Variants in BCAS4 observed in about 807,000 individuals in gnomAD.
BCAS4 encodes the protein breast carcinoma-amplified sequence 4.
In BCAS4, 9 loss-of-function variants were observed where a neutral mutation model predicts 15.7. That is an observed-to-expected ratio of 0.57 (90% CI 0.34 to 1.00). BCAS4 has a LOEUF of 1.00. BCAS4 is among the 50% of genes least tolerant of loss of function. The pLI is 0.02. For missense variants in BCAS4, 225 were observed against 239.1 expected (o/e 0.94, Z 0.39); for synonymous variants, 101 against 99.5 (o/e 1.02, Z -0.09).
rs2145692 is a variant in BCAS4 at position 50,841,889 on chromosome 20, T to A, written c.388T>A (p.Ser130Thr). 1.7e-3 allele frequency: 2,684 copies of A among 1,585,184 alleles called. 24 individuals are homozygous for A. The African/African-American group carries it at 0.029, about 17-fold the overall frequency. Residue 130 changes from serine to threonine, a missense_variant, in exon 4 of 5, where the codon TCC (serine) becomes ACC (threonine). Coordinates refer to ENST00000371608, the MANE Select transcript of BCAS4 (RefSeq NM_198799.4). Reference sequence around the variant, plus strand: ...GTGGCTGGGATCCGCAGGGCTCCCCTCCTTCAGGAACGTGAGTATCCTGCC... The same window carrying A: ...GTGGCTGGGATCCGCAGGGCTCCCCACCTTCAGGAACGTGAGTATCCTGCC... ...RRWLGSAGLP[S>T]FRNKSPAPVP...
intron 4 of BCAS4, among the ~76,000 whole-genome samples, chr20:50,853,312 T>C (rs1277088468): frequency 1.3e-5 from 2 of 151,712 alleles, no homozygotes; most frequent in Non-Finnish European, 2.9e-5. Flanking sequence ...GCCCAGCTAA[T>C]TTTTGTATTT....
chr20:50,796,452 CATATATATATATATAT>C lies in BCAS4; in HGVS notation c.90+1300_90+1315del, dbSNP rs1245993218. ...TCTCTTTTTTCTTTTTCTTTTTCTC[CATATATATATATATAT>C]ATATATATATATATATATATTTTTT... is the stretch of plus-strand genomic sequence containing the variant. On this transcript the variant is annotated intron_variant, in intron 1 of 4. Transcript: ENST00000371608. Among the ~76,000 whole-genome samples, 88 of 21,160 alleles carry C rather than the reference CATATATATATATATAT, an allele frequency of 4.2e-3. 4 individuals carry two copies. The highest frequency in any genetic ancestry group is 0.015 in the African/African-American group (73 of 4,992). 13.9% of individuals were successfully genotyped at this position (21,160 alleles called of 152,430 possible).
At chr20:50,873,251 C>T (rs1394689832) in intron 4 of BCAS4, among the ~76,000 whole-genome samples, 1 of 152,200 alleles carries the variant, frequency 6.6e-6, no homozygotes, top group African/African-American at 2.4e-5. Context: ...AGGGAGGAGA[C>T]AGAAACTCCA....
At chr20:50,839,969 G>A (rs2088456639) in intron 3 of BCAS4, among the ~76,000 whole-genome samples, 1 of 152,130 alleles carries the variant, frequency 6.6e-6, no homozygotes, top group Non-Finnish European at 1.5e-5. Context: ...TGAACTCCTG[G>A]GCTCAAGTGA....
intron 1 of BCAS4, among the ~76,000 whole-genome samples, chr20:50,805,171 G>A (rs2087974924): frequency 2.0e-5 from 3 of 152,086 alleles, no homozygotes; most frequent in Admixed American, 2.0e-4. Context: ...TCACAGAGTT[G>A]TACAACCATC....
intron 2 of BCAS4, among the ~76,000 whole-genome samples, chr20:50,827,790 C>G (rs930211421): frequency 6.6e-6 from 1 of 152,162 alleles, no homozygotes; most frequent in Non-Finnish European, 1.5e-5. Context: ...GCAGTGGCGC[C>G]ATCTTGGCTC....
intron 1 of BCAS4, among the ~76,000 whole-genome samples, chr20:50,815,440 C>T (rs1047158608): frequency 6.6e-6 from 1 of 152,238 alleles, no homozygotes; most frequent in Non-Finnish European, 1.5e-5. Flanking sequence ...TTCTCTTTCT[C>T]TTTCTTTCCC....
chr20:50,864,063 G>C (rs77550354), intron 4 of BCAS4, among the ~76,000 whole-genome samples: 6,774 of 152,244 alleles, frequency 0.044, 300 homozygotes, highest in East Asian at 0.18. Flanking sequence ...CATCTGTGGC[G>C]CCTTCCTCGA....
At chr20:50,837,669 C>T (rs975181900) in intron 3 of BCAS4, among the ~76,000 whole-genome samples, 2 of 152,174 alleles carry the variant, frequency 1.3e-5, no homozygotes, top group Admixed American at 6.5e-5. Context: ...CTCCTCTCCC[C>T]GGAGTCGGAG....
intron 4 of BCAS4, among the ~76,000 whole-genome samples, chr20:50,856,538 A>G (rs1355129910): frequency 6.6e-6 from 1 of 152,210 alleles, no homozygotes; most frequent in Non-Finnish European, 1.5e-5. Context: ...ACCAATTTCA[A>G]GGTGCCACCC....
chr20:50,865,346 G>A (rs778271073), intron 4 of BCAS4, among the ~76,000 whole-genome samples: 3 of 152,222 alleles, frequency 2.0e-5, no homozygotes, highest in Admixed American at 6.5e-5. Flanking sequence ...GACCAGACTC[G>A]ATCAGGAGCT....
rs1368932922 is a variant in BCAS4 at position 50,841,759 on chromosome 20, C to G, written c.265-7C>G. On this transcript the variant is annotated splice_region_variant and splice_polypyrimidine_tract_variant and intron_variant, in intron 3 of 4. Coordinates refer to ENST00000371608, the MANE Select transcript of BCAS4 (RefSeq NM_198799.4). ...ATGCGGCATCATGGCTTCTCCGTGT[C>G]CCTCAGGCCTTCGTCAAGATGGTTG... 2 of 1,613,960 alleles carry G rather than the reference C, an allele frequency of 1.2e-6. No homozygotes were observed. The highest frequency in any genetic ancestry group is 1.7e-5 in the Admixed American group (1 of 60,018).
chr20:50,835,476 C>G (rs879758078), intron 3 of BCAS4, among the ~76,000 whole-genome samples: 2 of 152,012 alleles, frequency 1.3e-5, no homozygotes, highest in Non-Finnish European at 2.9e-5. Flanking sequence ...GATCTCTTGA[C>G]CTTGTGATCC....
At chr20:50,796,768 A>G (rs925315470) in intron 1 of BCAS4, among the ~76,000 whole-genome samples, 2 of 151,526 alleles carry the variant, frequency 1.3e-5, no homozygotes, top group African/African-American at 4.8e-5. Flanking sequence ...TGTTGGGATT[A>G]CAGGCGTAAG....
In BCAS4 at chr20:50,795,158, C is replaced by G. The variant is rs777462572; in HGVS notation, c.75C>G (p.Pro25=). ...GCGAGCTCGCGCTCTTCCTGACCCC[C>G]GAGCCTGGGGCCGAGGTAGGGGACG... ...GARELALFLT[P]EPGAEAKEVE... Residue 25 remains proline (P), a synonymous_variant, in exon 1 of 5, where the codon CCC becomes CCG. Coordinates refer to ENST00000371608, the MANE Select transcript of BCAS4 (RefSeq NM_198799.4). 5.1e-5 allele frequency: 75 copies of G among 1,461,598 alleles called. No homozygotes were observed. Among genetic ancestry groups the G allele is most frequent in the Non-Finnish European group, 1.3e-5 (14 of 1,102,494 alleles). 90.5% of individuals were successfully genotyped at this position (1,461,598 alleles called of 1,614,324 possible). A position where few individuals can be genotyped will look rare whatever the true frequency, so the allele number is the denominator to read the frequency against.
chr20:50,858,266 T>C (rs1044511729), intron 4 of BCAS4, among the ~76,000 whole-genome samples: 1 of 152,168 alleles, frequency 6.6e-6, no homozygotes, highest in Non-Finnish European at 1.5e-5. Flanking sequence ...CATCCTTCCA[T>C]ATACTCTAAA....
At chr20:50,873,158 C>A (rs1171287818) in intron 4 of BCAS4, among the ~76,000 whole-genome samples, 5 of 152,262 alleles carry the variant, frequency 3.3e-5, no homozygotes, top group African/African-American at 1.2e-4. Context: ...TCTAGAGCTG[C>A]CGGCGGCCTC....
chr20:50,794,979 G>T (rs2087831578), upstream of BCAS4: 2 of 1,248,128 alleles, frequency 1.6e-6, no homozygotes, highest in Non-Finnish European at 2.0e-6. Context: ...GCCTCCGCCA[G>T]GCGGTCCGCG....
intron 1 of BCAS4, among the ~76,000 whole-genome samples, chr20:50,801,001 T>C (rs1425019246): frequency 2.6e-5 from 4 of 152,220 alleles, no homozygotes; most frequent in Non-Finnish European, 5.9e-5. Context: ...GGAGTTTTCT[T>C]TGCAGAAGCT....
Sources: allele counts gnomAD v4.1 joint callset (sites outside exome capture counted in the v4.1 genomes callset), GRCh38; gene constraint gnomAD v4.1.1; transcripts MANE v1.5; gene names NCBI Gene and HGNC (gene_info 2026-07-23, HGNC 2026-07-21).